Variants in MAN1A1 observed in about 807,000 individuals in gnomAD.
MAN1A1 encodes the protein mannosidase alpha class 1A member 1.
MAN1A1 carries 29 observed loss-of-function variants against 70.8 expected under a neutral mutation model. That is an observed-to-expected ratio of 0.41 (90% CI 0.31 to 0.56). The LOEUF (loss-of-function observed/expected upper bound fraction) is 0.56, where lower values mean the gene tolerates loss of function less well. Among genes scored for constraint, MAN1A1 ranks in the 20% least tolerant of loss-of-function variants. MAN1A1 has a pLI of 0.29. For synonymous variants in MAN1A1, 349 were observed against 330.1 expected (o/e 1.06, Z -0.62); for missense variants, 747 against 841.3 (o/e 0.89, Z 1.39).
intron 5 of MAN1A1, among the ~76,000 whole-genome samples, chr6:119,266,980 G>A (rs1279017274): frequency 1.3e-5 from 2 of 152,134 alleles, no homozygotes; most frequent in Non-Finnish European, 2.9e-5. Context: ...TAAGTATATG[G>A]AAAGATGTTC....
chr6:119,333,390 A>C (rs1028872920), intron 2 of MAN1A1, among the ~76,000 whole-genome samples: 10 of 152,156 alleles, frequency 6.6e-5, no homozygotes, highest in Admixed American at 2.6e-4. Context: ...CCTGCTGCCA[A>C]TCATAGTCAA....
At chr6:119,230,466 C>G (rs1424890885) in intron 6 of MAN1A1, among the ~76,000 whole-genome samples, 2 of 152,156 alleles carry the variant, frequency 1.3e-5, no homozygotes, top group East Asian at 1.9e-4. Context: ...TGGCCTTGTC[C>G]TGTTCCTTTT....
At chr6:119,343,747 T>C (rs1236836453) in intron 2 of MAN1A1, among the ~76,000 whole-genome samples, 1 of 152,172 alleles carries the variant, frequency 6.6e-6, no homozygotes, top group Non-Finnish European at 1.5e-5. Flanking sequence ...TCACAGTATC[T>C]CTGGAGCCCA....
chr6:119,269,648 C>G (rs73769011), intron 5 of MAN1A1: 2 of 159,174 alleles, frequency 1.3e-5, no homozygotes, highest in East Asian at 3.7e-4. Flanking sequence ...ACCTGCCTAT[C>G]CAGGACGGCT....
intron 5 of MAN1A1, among the ~76,000 whole-genome samples, chr6:119,251,637 C>T (rs1180071422): frequency 6.6e-6 from 1 of 152,180 alleles, no homozygotes; most frequent in African/African-American, 2.4e-5. Context: ...AGAGAGATCT[C>T]TGAACGTTTT....
intron 2 of MAN1A1, among the ~76,000 whole-genome samples, chr6:119,316,486 G>A (rs1772858770): frequency 6.6e-6 from 1 of 152,080 alleles, no homozygotes; most frequent in Admixed American, 6.5e-5. Flanking sequence ...ATTCCTTGCT[G>A]GGATATCACA....
chr6:119,315,272 T>C (rs773721856), intron 2 of MAN1A1, among the ~76,000 whole-genome samples: 8 of 152,232 alleles, frequency 5.3e-5, no homozygotes, highest in Non-Finnish European at 8.8e-5. Context: ...TTTAATGCTA[T>C]TGCATGAATT....
At chr6:119,300,595 C>T (rs964517356) in intron 4 of MAN1A1, among the ~76,000 whole-genome samples, 2 of 152,068 alleles carry the variant, frequency 1.3e-5, no homozygotes, top group Non-Finnish European at 2.9e-5. Flanking sequence ...AAAATGAAAC[C>T]GTTTTTTTCC....
upstream of MAN1A1, among the ~76,000 whole-genome samples, chr6:119,350,143 G>T (rs2114523435): frequency 6.6e-6 from 1 of 152,310 alleles, no homozygotes; most frequent in East Asian, 1.9e-4. Context: ...GGTCCGCGCG[G>T]GACCTCTCTG....
intron 5 of MAN1A1, among the ~76,000 whole-genome samples, chr6:119,290,048 T>C (rs1776490963): frequency 6.6e-6 from 1 of 151,902 alleles, no homozygotes; most frequent in Non-Finnish European, 1.5e-5. Context: ...TTCAAGAAAA[T>C]AGCATCAGTG....
chr6:119,349,316 TA>T, intron 1 of MAN1A1, 29 bp from the exon 2 acceptor site: 2 of 1,179,334 alleles, frequency 1.7e-6, no homozygotes, highest in Non-Finnish European at 2.1e-6. Flanking sequence ...TAAAACGTAG[TA>T]ATTACGGCGA....
At position 119,298,459 on chromosome 6, in the gene MAN1A1, A is replaced by G. The variant is rs185308126; in HGVS notation, c.816+3529T>C. On this transcript the variant is annotated intron_variant, in intron 4 of 12. Coordinates refer to ENST00000368468, the MANE Select transcript of MAN1A1 (RefSeq NM_005907.4). ...TATACTTTTCAGTGATATAAATTGG[A>G]TATTTCACATTAACAAATTTATTCT... Among the ~76,000 whole-genome samples, 73 of 152,310 alleles carry G rather than the reference A, an allele frequency of 4.8e-4. 1 individual carries two copies. The East Asian group carries it at 0.013, about 27-fold the overall frequency.
At chr6:119,286,597 T>A (rs1776381316) in intron 5 of MAN1A1, among the ~76,000 whole-genome samples, 1 of 152,194 alleles carries the variant, frequency 6.6e-6, no homozygotes, top group African/African-American at 2.4e-5. Flanking sequence ...TAAACTCATC[T>A]ACTGTAAAAA....
In MAN1A1 at chr6:119,179,843, C is replaced by CT. The variant is rs750901308; in HGVS notation, c.1937dup (p.Glu647GlyfsTer3). The CT allele has an allele frequency of 3.1e-6, 5 of 1,612,732 alleles. No homozygotes were observed. The South Asian group carries it at 5.5e-5, about 18-fold the overall frequency. On this transcript the variant is annotated frameshift_variant, in exon 13 of 13. Transcript: ENST00000368468. LOFTEE classifies it high-confidence loss of function. ...TTTATTCCTCTCTGATTTCAACTTC[C>CT]TTTTTATCTTTAGGGAGGATAGGGA...
At chr6:119,254,405 T>C (rs528620393) in intron 5 of MAN1A1, among the ~76,000 whole-genome samples, 2 of 152,212 alleles carry the variant, frequency 1.3e-5, no homozygotes, top group Non-Finnish European at 2.9e-5. Flanking sequence ...GTTTTTGATT[T>C]ATCACTGGAA....
At chr6:119,238,648 A>T (rs1774920690) in intron 6 of MAN1A1, among the ~76,000 whole-genome samples, 4 of 152,184 alleles carry the variant, frequency 2.6e-5, no homozygotes, top group Non-Finnish European at 5.9e-5. Flanking sequence ...TATCTTAAGA[A>T]CTTGACTTAA....
At chr6:119,184,141 T>C (rs1773225535) in intron 11 of MAN1A1, among the ~76,000 whole-genome samples, 1 of 152,186 alleles carries the variant, frequency 6.6e-6, no homozygotes, top group African/African-American at 2.4e-5. Context: ...GCCCTGATTC[T>C]ATCAGCATCT....
rs5879493 is a variant in MAN1A1, at chr6:119,256,414, A to ATTT, written c.898-8063_898-8061dup. ...TGAATGAATAAAATTGTATCTCATT[A>ATTT]TTTTTTTTTTTTTCATGAGAGAGGA... On this transcript the variant is annotated intron_variant, in intron 5 of 12. Coordinates refer to ENST00000368468, the MANE Select transcript of MAN1A1 (RefSeq NM_005907.4). 3.0e-4 allele frequency among the ~76,000 whole-genome samples: 45 copies of ATTT among 147,824 alleles called. 1 individual carries two copies. Among genetic ancestry groups the ATTT allele is most frequent in the Admixed American group, 6.1e-4 (9 of 14,872 alleles).
intron 2 of MAN1A1, among the ~76,000 whole-genome samples, chr6:119,329,953 G>A (rs1478941936): frequency 1.3e-5 from 2 of 152,086 alleles, no homozygotes; most frequent in Non-Finnish European, 2.9e-5. Context: ...ACACTGCTGA[G>A]ACTCACTCCT....
Sources: allele counts gnomAD v4.1 joint callset (sites outside exome capture counted in the v4.1 genomes callset), GRCh38; gene constraint gnomAD v4.1.1; transcripts MANE v1.5; gene names NCBI Gene and HGNC (gene_info 2026-07-23, HGNC 2026-07-21).